CCNJL: variants seen among roughly 807,000 people sequenced by gnomAD.
CCNJL encodes the protein cyclin J like, also known as cyclin-J-like protein.
CCNJL carries 33 observed loss-of-function variants against 33.4 expected under a neutral mutation model. The observed-to-expected ratio is 0.99, with a 90% CI of 0.75 to 1.32. The LOEUF (loss-of-function observed/expected upper bound fraction) is 1.32, where lower values mean the gene tolerates loss of function less well. Among genes scored for constraint, CCNJL ranks in the 40% most tolerant of loss-of-function variants. The pLI, the probability that CCNJL is intolerant of heterozygous loss-of-function variation, is 0.00. For synonymous variants in CCNJL, 227 were observed against 220.9 expected, an observed-to-expected ratio of 1.03 and a Z score of -0.24; for missense variants, 512 against 499.7, an observed-to-expected ratio of 1.02 and a Z score of -0.23.
intron 2 of CCNJL, among the ~76,000 whole-genome samples, chr5:160,289,992 G>T (rs1031155877): frequency 6.6e-6 from 1 of 152,212 alleles, no homozygotes; most frequent in Non-Finnish European, 1.5e-5. Flanking sequence ...CATAGCCGGG[G>T]AGGGGGAGGA....
At position 160,252,469 on chromosome 5, in the gene CCNJL, G is replaced by C. The variant is rs533860494; in HGVS notation, c.*909C>G. ...CCTTTCAACGAGCTTCTCCCTCCCT[G>C]GGTAGTTATTAAAGTTCTAGTGGTG... On this transcript the variant is annotated 3_prime_UTR_variant, in exon 6 of 6. Coordinates refer to ENST00000257536, the MANE Select transcript of CCNJL (RefSeq NM_001308173.3). The C allele has an allele frequency of 6.6e-6, 1 of 152,426 alleles. No individual in the cohort carries two copies. Among genetic ancestry groups the C allele is most frequent in the East Asian group, 1.9e-4 (1 of 5,184 alleles). 9.4% of individuals were successfully genotyped at this position (152,426 alleles called of 1,614,324 possible).
At chr5:160,284,952 C>T (rs1210602766) in intron 2 of CCNJL, among the ~76,000 whole-genome samples, 5 of 151,804 alleles carry the variant, frequency 3.3e-5, no homozygotes, top group Admixed American at 3.3e-4. Context: ...CGGCTGGGCA[C>T]GGTGGCTCAC....
chr5:160,289,375 T>G (rs1042693332), intron 2 of CCNJL, among the ~76,000 whole-genome samples: 2 of 152,108 alleles, frequency 1.3e-5, no homozygotes, highest in Non-Finnish European at 2.9e-5. Context: ...GAGAGTGTTT[T>G]GAGGAATCTT....
In CCNJL at chr5:160,253,222, T is replaced by A. The variant is rs1401995842; in HGVS notation, c.*156A>T. The A allele has an allele frequency of 6.6e-6, 4 of 602,260 alleles. No individual in the cohort carries two copies. The highest frequency in any genetic ancestry group is 1.1e-5 in the Non-Finnish European group (4 of 368,370). 37.3% of individuals were successfully genotyped at this position (602,260 alleles called of 1,614,324 possible). A position where few individuals can be genotyped will look rare whatever the true frequency, so the allele number is the denominator to read the frequency against. On this transcript the variant is annotated 3_prime_UTR_variant, in exon 6 of 6. Coordinates refer to ENST00000257536, the MANE Select transcript of CCNJL (RefSeq NM_001308173.3). ...TGAGGTATGTTATTGAATGTTTTGC[T>A]CTGGGTCAGTTTTATTTAAAAGGAG...
chr5:160,282,966 AATATATAT>A (rs70990720), intron 2 of CCNJL, among the ~76,000 whole-genome samples: 1,303 of 43,300 alleles, frequency 0.03, 66 homozygotes, highest in African/African-American at 0.089. Flanking sequence ...CAGTCCTTGG[AATATATAT>A]ATATATATAT....
At chr5:160,333,140 T>G (rs904353062) in intron 1 of CCNJL, among the ~76,000 whole-genome samples, 4 of 151,794 alleles carry the variant, frequency 2.6e-5, no homozygotes, top group Non-Finnish European at 5.9e-5. Context: ...TTTTTTTTTT[T>G]GAGATGGAGT....
chr5:160,278,791 A>G (rs939283174), intron 3 of CCNJL, among the ~76,000 whole-genome samples: 7 of 152,254 alleles, frequency 4.6e-5, no homozygotes, highest in African/African-American at 1.7e-4. Flanking sequence ...AGACAGCAGC[A>G]GGCCAAAGGC....
Position 160,253,589 on chromosome 5 carries a change from G to A in CCNJL, c.953C>T (p.Ser318Leu). 6.2e-7 allele frequency: 1 copy of A among 1,614,028 alleles called. No individual in the cohort carries two copies. The highest frequency in any genetic ancestry group is 8.5e-7 in the Non-Finnish European group (1 of 1,179,966). Reference sequence around the variant, plus strand: ...TGTACTCCCCGAGAGCAGGCTCCCTGAACGGTGGGCCTGCAAGGAGTCCCG... The same window carrying A: ...TGTACTCCCCGAGAGCAGGCTCCCTAAACGGTGGGCCTGCAAGGAGTCCCG... Reference protein sequence around the residue: ...AYRDSLQAHRSGSLLSGSTGS... With the variant: ...AYRDSLQAHRLGSLLSGSTGS... The change falls in exon 6 of 6, where the codon TCA becomes TTA. Residue 318 changes from serine (S) to leucine (L), a missense_variant. Coordinates refer to ENST00000257536, the MANE Select transcript of CCNJL (RefSeq NM_001308173.3).
intron 4 of CCNJL, among the ~76,000 whole-genome samples, chr5:160,258,967 A>C (rs941527213): frequency 6.6e-6 from 1 of 152,158 alleles, no homozygotes; most frequent in Non-Finnish European, 1.5e-5. Flanking sequence ...TACAGGTGTG[A>C]GCTACCGCGC....
intron 2 of CCNJL, among the ~76,000 whole-genome samples, chr5:160,300,657 T>G (rs1007032138): frequency 6.6e-6 from 1 of 152,076 alleles, no homozygotes; most frequent in Non-Finnish European, 1.5e-5. Flanking sequence ...CCCGCTCTAG[T>G]CATTTTCCCA....
chr5:160,270,439 G>A (rs1320089977), intron 3 of CCNJL, among the ~76,000 whole-genome samples: 2 of 150,276 alleles, frequency 1.3e-5, no homozygotes, highest in Non-Finnish European at 3.0e-5. Flanking sequence ...GCAAAATGGT[G>A]TCTCGAAAAA....
intron 3 of CCNJL, among the ~76,000 whole-genome samples, chr5:160,262,367 G>C (rs1353597618): frequency 6.6e-6 from 1 of 152,184 alleles, no homozygotes; most frequent in Non-Finnish European, 1.5e-5. Flanking sequence ...GAAGGCACCA[G>C]GGATTACTGC....
At chr5:160,270,157 A>AG (rs1761773990) in intron 3 of CCNJL, among the ~76,000 whole-genome samples, 1 of 152,106 alleles carries the variant, frequency 6.6e-6, no homozygotes, top group South Asian at 2.1e-4. Flanking sequence ...CCAAAAAAAA[A>AG]AAAAGTCTGG....
At chr5:160,310,539 A>G (rs1763228159) in intron 2 of CCNJL, among the ~76,000 whole-genome samples, 1 of 152,102 alleles carries the variant, frequency 6.6e-6, no homozygotes, top group Non-Finnish European at 1.5e-5. Flanking sequence ...TGACTGTGAA[A>G]CCTGTGTGGG....
intron 3 of CCNJL, among the ~76,000 whole-genome samples, chr5:160,276,793 T>C (rs2113333596): frequency 6.6e-6 from 1 of 152,292 alleles, no homozygotes; most frequent in Admixed American, 6.5e-5. Context: ...CTCTTTTTTT[T>C]TCTTTTTTGA....
rs1386499013 is a variant in CCNJL, at chr5:160,301,751, A to C, written c.66+10107T>G. 4.8e-5 allele frequency among the ~76,000 whole-genome samples: 6 copies of C among 125,388 alleles called. No individual in the cohort carries two copies. In the Admixed American group the frequency reaches 5.0e-4, roughly 11 times the overall value. 82.3% of individuals were successfully genotyped at this position (125,388 alleles called of 152,430 possible). A position where few individuals can be genotyped will look rare whatever the true frequency, so the allele number is the denominator to read the frequency against. On this transcript the variant is annotated intron_variant, in intron 2 of 5. Coordinates refer to ENST00000257536, the MANE Select transcript of CCNJL (RefSeq NM_001308173.3). ...CACCCGGTCGTCTTTTTTTTTTTTGAAACAGTCTCTCTTTGTCACCCAGGC... is the reference window on the plus strand; with the variant it reads ...CACCCGGTCGTCTTTTTTTTTTTTGCAACAGTCTCTCTTTGTCACCCAGGC...
At chr5:160,253,945 G>C (rs916775809) in intron 5 of CCNJL, 147 bp from the exon 6 acceptor site, 1 of 577,826 alleles carries the variant, frequency 1.7e-6, no homozygotes, top group Non-Finnish European at 2.9e-6. Context: ...CACTGTGTGT[G>C]GCACCGCTCC....
intron 1 of CCNJL, among the ~76,000 whole-genome samples, chr5:160,338,622 G>A (rs1763711741): frequency 6.6e-6 from 1 of 152,130 alleles, no homozygotes; most frequent in Non-Finnish European, 1.5e-5. Flanking sequence ...TGAGAGAAAA[G>A]GGCAAGAATG....
At chr5:160,316,040 A>G (rs1763376221), upstream of CCNJL, among the ~76,000 whole-genome samples, 1 of 152,202 alleles carries the variant, frequency 6.6e-6, no homozygotes, top group Non-Finnish European at 1.5e-5. Context: ...GTAGGATTCT[A>G]AGCATACTCA....
Sources: allele counts gnomAD v4.1 joint callset (sites outside exome capture counted in the v4.1 genomes callset), GRCh38; gene constraint gnomAD v4.1.1; transcripts MANE v1.5; gene names NCBI Gene and HGNC (gene_info 2026-07-23, HGNC 2026-07-21).